Variants in MAP2K2 observed in about 807,000 individuals in gnomAD.
MAP2K2 encodes mitogen-activated protein kinase kinase 2.
Under a neutral mutation model 43.7 loss-of-function variants are expected in MAP2K2, and 24 were observed. That is an observed-to-expected ratio of 0.55 (90% CI 0.40 to 0.77). The LOEUF (loss-of-function observed/expected upper bound fraction) is 0.77. Among genes scored for constraint, MAP2K2 ranks in the 30% least tolerant of loss-of-function variants. The pLI, the probability that MAP2K2 is intolerant of heterozygous loss-of-function variation, is 0.00. For synonymous variants in MAP2K2, 244 were observed against 239.7 expected (o/e 1.02, Z -0.17); for missense variants, 470 against 566.8 (o/e 0.83, Z 1.73).
chr19:4,112,897 C>T (rs350897), intron 2 of MAP2K2, among the ~76,000 whole-genome samples: 52,490 of 152,114 alleles, frequency 0.35, 10,740 homozygotes, highest in East Asian at 0.6. Flanking sequence ...TGGATGTTCA[C>T]GTGGAGGTTG....
chr19:4,103,063 G>A, intron 3 of MAP2K2: 2 of 1,025,060 alleles, frequency 2.0e-6, no homozygotes, highest in East Asian at 9.0e-5. Context: ...GCCACCTAGG[G>A]CAGAAAGGCC....
At position 4,115,956 on chromosome 19, in the gene MAP2K2, AAC is replaced by A. The variant is rs1162554115; in HGVS notation, c.303+1461_303+1462del. ...CTGTATCCCCTGGGCACTATTCTCA[AAC>A]ACAGAGCACAGAGGCTGCATCATGG... is the stretch of plus-strand genomic sequence containing the variant. On this transcript the variant is annotated intron_variant, in intron 2 of 10. Transcript: ENST00000262948. The surrounding 1 kb of genome is among the most constrained non-coding windows in gnomAD (Gnocchi z 4.1). Among the ~76,000 whole-genome samples the A allele has an allele frequency of 2.0e-5, 3 of 152,104 alleles. No homozygotes were observed. The highest frequency in any genetic ancestry group is 1.9e-4 in the East Asian group (1 of 5,184).
At chr19:4,119,550 T>A (rs1229180418) in intron 1 of MAP2K2, among the ~76,000 whole-genome samples, 2 of 152,226 alleles carry the variant, frequency 1.3e-5, no homozygotes, top group Non-Finnish European at 2.9e-5. Context: ...ACATTTGATT[T>A]AACCCATCAA....
At position 4,101,256 on chromosome 19, in the gene MAP2K2, G is replaced by T. The variant is rs1390219813; in HGVS notation, c.553C>A (p.Arg185=). Residue 185 remains arginine, a synonymous_variant, in exon 5 of 11, where the codon CGA becomes AGA. Coordinates refer to ENST00000262948, the MANE Select transcript of MAP2K2 (RefSeq NM_030662.4). This position sits in a 1 kb window ranked among gnomAD's most constrained non-coding sequence, Gnocchi z 6.3. ...IAVLRGLAYL[R]EKHQIMHRDV... ...CGGTGCATGATCTGGTGCTTCTCTC[G>T]GAGGTACGCCAAGCCCCGGAGAACC... 6.3e-7 allele frequency: 1 copy of T among 1,586,052 alleles called. No individual in the cohort carries two copies.
rs778907856 is a variant in MAP2K2 at position 4,117,672 on chromosome 19, C to T, written c.93-43G>A. 14 of 1,579,726 alleles carry T rather than the reference C, an allele frequency of 8.9e-6. No homozygotes were observed. In the East Asian group the frequency reaches 8.9e-5, roughly 10 times the overall value. ...GGTAGGGGTTAGCTACCTAGGGAGACTCCATCTGGCCGTTTGCTATGTGGC... is the reference window on the plus strand; with the variant it reads ...GGTAGGGGTTAGCTACCTAGGGAGATTCCATCTGGCCGTTTGCTATGTGGC... On this transcript the variant is annotated intron_variant, in intron 1 of 10. Coordinates refer to ENST00000262948, the MANE Select transcript of MAP2K2 (RefSeq NM_030662.4).
rs1473294043 is a variant in MAP2K2 at position 4,101,335 on chromosome 19, G to C, written c.529-55C>G. On this transcript the variant is annotated intron_variant, in intron 4 of 10. Transcript: ENST00000262948. The surrounding 1 kb of genome is among the most constrained non-coding windows in gnomAD (Gnocchi z 6.3). ...ACAAGGCCACCAGGGCTTAGCTCCT[G>C]ACCGAGCCCGGGGGTCAGAGCTGAG... 5 of 1,539,796 alleles carry C rather than the reference G, an allele frequency of 3.2e-6. No homozygotes were observed. Among genetic ancestry groups the C allele is most frequent in the Non-Finnish European group, 4.4e-6 (5 of 1,136,474 alleles).
intron 10 of MAP2K2, among the ~76,000 whole-genome samples, chr19:4,094,252 G>A (rs906639433): frequency 2.0e-5 from 3 of 152,140 alleles, no homozygotes; most frequent in African/African-American, 7.2e-5. Flanking sequence ...TCTGCTCCCC[G>A]CAGCCAGCCC....
In MAP2K2 at chr19:4,102,993, G is replaced by A. The variant is rs907784349; in HGVS notation, c.451-540C>T. The A allele has an allele frequency of 7.5e-6, 8 of 1,071,014 alleles. No individual in the cohort carries two copies. The African/African-American group carries it at 1.4e-4, about 18-fold the overall frequency. 66.3% of individuals were successfully genotyped at this position (1,071,014 alleles called of 1,614,324 possible). On this transcript the variant is annotated intron_variant, in intron 3 of 10. Transcript: ENST00000262948. Reference sequence around the variant, plus strand: ...GCTGTGTGCCCGTCCAGACCCCCAGGGGGCTCCCTCGCCAAGCCCTGCGGC... The same window carrying A: ...GCTGTGTGCCCGTCCAGACCCCCAGAGGGCTCCCTCGCCAAGCCCTGCGGC...
At chr19:4,108,668 A>C (rs1308194339) in intron 3 of MAP2K2, among the ~76,000 whole-genome samples, 1 of 151,858 alleles carries the variant, frequency 6.6e-6, no homozygotes, top group Non-Finnish European at 1.5e-5. Context: ...CACTCTGGGA[A>C]CCCCCATTTT....
chr19:4,112,054 C>A (rs1380702971), intron 2 of MAP2K2, among the ~76,000 whole-genome samples: 4 of 152,216 alleles, frequency 2.6e-5, no homozygotes, highest in Non-Finnish European at 5.9e-5. Context: ...GCCAGGACCC[C>A]CAGCATGGCA....
In MAP2K2 at chr19:4,103,016, G is replaced by A. The variant is rs373463506; in HGVS notation, c.451-563C>T. 119 of 1,060,006 alleles carry A rather than the reference G, an allele frequency of 1.1e-4. 1 individual carries two copies. In the East Asian group the frequency reaches 1.8e-3, roughly 16 times the overall value. 65.7% of individuals were successfully genotyped at this position (1,060,006 alleles called of 1,614,324 possible). ...AGGGGGCTCCCTCGCCAAGCCCTGC[G>A]GCTCCACTGCTGGGCGTCTGCCCTG... is the stretch of plus-strand genomic sequence containing the variant. On this transcript the variant is annotated intron_variant, in intron 3 of 10. Transcript: ENST00000262948.
intron 9 of MAP2K2, chr19:4,094,921 G>A (rs1429606072): frequency 5.4e-6 from 2 of 367,172 alleles, no homozygotes; most frequent in Non-Finnish European, 1.0e-5. Flanking sequence ...CCGGCCCTGT[G>A]GGCAGCGGGG....
At chr19:4,092,446 G>A (rs928831328) in intron 10 of MAP2K2, among the ~76,000 whole-genome samples, 18 of 151,994 alleles carry the variant, frequency 1.2e-4, no homozygotes, top group African/African-American at 3.9e-4. Flanking sequence ...AAAATTAGCC[G>A]GGTGTGGTGG....
In MAP2K2 at chr19:4,102,467, A is replaced by G. The variant is rs2145057945; in HGVS notation, c.451-14T>C. Reference sequence around the variant, plus strand: ...GGAGCCGCCGTCCTAGAGGGCACACAAGGAGTGAGTGCAGGCTCTGCGCAG... The same window carrying G: ...GGAGCCGCCGTCCTAGAGGGCACACGAGGAGTGAGTGCAGGCTCTGCGCAG... On this transcript the variant is annotated splice_polypyrimidine_tract_variant and intron_variant, in intron 3 of 10. Coordinates refer to ENST00000262948, the MANE Select transcript of MAP2K2 (RefSeq NM_030662.4). 1 of 1,581,522 alleles carries G rather than the reference A, an allele frequency of 6.3e-7. No individual in the cohort carries two copies. Among genetic ancestry groups the G allele is most frequent in the Non-Finnish European group, 8.6e-7 (1 of 1,160,802 alleles).
intron 7 of MAP2K2, among the ~76,000 whole-genome samples, chr19:4,098,845 A>G (rs2040958584): frequency 6.6e-6 from 1 of 152,392 alleles, no homozygotes; most frequent in Middle Eastern, 3.4e-3. Flanking sequence ...TGCAGAATGC[A>G]GGCTCTGTGG....
chr19:4,094,734 A>T (rs2040891547), intron 9 of MAP2K2: 1 of 564,924 alleles, frequency 1.8e-6, no homozygotes, highest in East Asian at 2.9e-5. Flanking sequence ...GGTGAGAGGG[A>T]AAGAGGGTGG....
intron 3 of MAP2K2, chr19:4,104,587 G>C (rs116353853): frequency 1.3e-5 from 2 of 152,326 alleles, no homozygotes; most frequent in African/African-American, 2.4e-5. Flanking sequence ...CCAACGACTC[G>C]AAAGAGGCAG....
intron 7 of MAP2K2, 111 bp from the exon 8 acceptor site, chr19:4,097,454 G>T: frequency 1.3e-6 from 1 of 787,222 alleles, no homozygotes; most frequent in Non-Finnish European, 2.2e-6. Flanking sequence ...CCACATGCCA[G>T]CCTAAATTGG....
At chr19:4,106,440 C>G (rs1479321156) in intron 3 of MAP2K2, among the ~76,000 whole-genome samples, 1 of 152,160 alleles carries the variant, frequency 6.6e-6, no homozygotes, top group Non-Finnish European at 1.5e-5. Flanking sequence ...GAAATGGAGT[C>G]TTGCTGTCGC....
Sources: gnomAD v4.1 joint callset for allele counts (sites outside exome capture counted in the v4.1 genomes callset) on GRCh38, gnomAD v4.1.1 for gene constraint, Gnocchi (gnomAD v3.1) non-coding constraint, MANE v1.5 for transcripts, NCBI Gene and HGNC (gene_info 2026-07-23, HGNC 2026-07-21) for gene names.